BRINP1: variants seen among roughly 807,000 people sequenced by gnomAD.
BRINP1 encodes the protein BMP/retinoic acid inducible neural specific 1, also known as BMP/retinoic acid-inducible neural-specific protein 1.
A neutral mutation model predicts 72.9 loss-of-function variants in BRINP1; 17 were observed. That is an observed-to-expected ratio of 0.23 (90% CI 0.16 to 0.35). The LOEUF is 0.35. Ranked by LOEUF, BRINP1 falls within the 10% of genes least tolerant of loss-of-function variation. The probability of loss-of-function intolerance (pLI) is 1.00; values close to 1 mark genes in which losing one functional copy is unlikely to be tolerated. For synonymous variants in BRINP1, 418 were observed against 378.5 expected, an observed-to-expected ratio of 1.10 and a Z score of -1.21; for missense variants, 850 against 1,001.6, an observed-to-expected ratio of 0.85 and a Z score of 2.04.
At chr9:119,316,765 T>C (rs1187024852) in intron 1 of BRINP1, among the ~76,000 whole-genome samples, 2 of 152,166 alleles carry the variant, frequency 1.3e-5, no homozygotes, top group Admixed American at 6.5e-5. Context: ...GACAGAGATA[T>C]ACAAGGAGAT....
intron 4 of BRINP1, 75 bp from the exon 5 acceptor site, chr9:119,238,835 C>T: frequency 1.0e-6 from 1 of 985,314 alleles, no homozygotes; most frequent in Non-Finnish European, 1.5e-6. Context: ...AGTCATGCCC[C>T]AGCAGAGCAA....
intron 1 of BRINP1, among the ~76,000 whole-genome samples, chr9:119,335,596 T>C (rs1831338843): frequency 6.6e-6 from 1 of 152,190 alleles, no homozygotes; most frequent in African/African-American, 2.4e-5. Flanking sequence ...TGGACACCTA[T>C]CCAATATTAG....
chr9:119,220,367 A>G (rs1830027914), intron 5 of BRINP1, among the ~76,000 whole-genome samples: 1 of 152,294 alleles, frequency 6.6e-6, no homozygotes, highest in Middle Eastern at 3.4e-3. Context: ...TGGGGAAAGA[A>G]GAATATCTGG....
At chr9:119,303,935 AG>A (rs1280477226) in intron 2 of BRINP1, among the ~76,000 whole-genome samples, 1 of 148,490 alleles carries the variant, frequency 6.7e-6, no homozygotes, top group African/African-American at 2.5e-5. Flanking sequence ...GCTGGAGTGC[AG>A]TGGCATGATC....
chr9:119,329,860 C>T (rs1831281012), intron 1 of BRINP1, among the ~76,000 whole-genome samples: 1 of 152,140 alleles, frequency 6.6e-6, no homozygotes, highest in African/African-American at 2.4e-5. Flanking sequence ...GGTCTCAAAG[C>T]TACTGTGAGG....
chr9:119,330,377 C>A (rs1232063141), intron 1 of BRINP1, among the ~76,000 whole-genome samples: 1 of 152,176 alleles, frequency 6.6e-6, no homozygotes, highest in East Asian at 1.9e-4. Context: ...CTTACAGTTG[C>A]CTCAAGGTTT....
At chr9:119,206,930 A>G (rs1474864725) in intron 7 of BRINP1, among the ~76,000 whole-genome samples, 1 of 152,236 alleles carries the variant, frequency 6.6e-6, no homozygotes, top group Non-Finnish European at 1.5e-5. Flanking sequence ...TTGCAACAAG[A>G]AACTGGCAAA....
intron 1 of BRINP1, among the ~76,000 whole-genome samples, chr9:119,333,574 T>C (rs1831321566): frequency 6.6e-6 from 1 of 151,514 alleles, no homozygotes; most frequent in Non-Finnish European, 1.5e-5. Context: ...GGTCCAAAAA[T>C]CTGTAGTCTT....
At chr9:119,179,915 C>G (rs1829533607) in intron 7 of BRINP1, among the ~76,000 whole-genome samples, 1 of 152,210 alleles carries the variant, frequency 6.6e-6, no homozygotes, top group South Asian at 2.1e-4. Flanking sequence ...TGACAGGTCT[C>G]CTGGTGACAC....
Position 119,214,158 on chromosome 9 carries a change from G to A in BRINP1, c.686-3C>T. 1 of 1,601,964 alleles carries A rather than the reference G, an allele frequency of 6.2e-7. No individual in the cohort carries two copies. Among genetic ancestry groups the A allele is most frequent in the South Asian group, 1.1e-5 (1 of 90,670 alleles). On this transcript the variant is annotated splice_region_variant and splice_polypyrimidine_tract_variant and intron_variant, in intron 5 of 7. Transcript: ENST00000265922. ...CTGAGGAAAGATTATCTGAAGACCTGTGTGAGAATAGCAAGAAGGGAAAAC... is the reference window on the plus strand; with the variant it reads ...CTGAGGAAAGATTATCTGAAGACCTATGTGAGAATAGCAAGAAGGGAAAAC...
Position 119,166,899 on chromosome 9 carries a change from A to C in BRINP1, c.*185T>G, listed in dbSNP as rs1829319232. 1.6e-6 allele frequency: 1 copy of C among 640,214 alleles called. No homozygotes were observed. Among genetic ancestry groups the C allele is most frequent in the Non-Finnish European group, 2.6e-6 (1 of 382,206 alleles). 39.7% of individuals were successfully genotyped at this position (640,214 alleles called of 1,614,324 possible). A position where few individuals can be genotyped will look rare whatever the true frequency, so the allele number is the denominator to read the frequency against. On this transcript the variant is annotated 3_prime_UTR_variant, in exon 8 of 8. Coordinates refer to ENST00000265922, the MANE Select transcript of BRINP1 (RefSeq NM_014618.3). ...CAGAGTGAGTATAGAAATAACAAACATGCCCAACGCTTTTATACAGTTGCT... is the reference window on the plus strand; with the variant it reads ...CAGAGTGAGTATAGAAATAACAAACCTGCCCAACGCTTTTATACAGTTGCT...
intron 1 of BRINP1, among the ~76,000 whole-genome samples, chr9:119,366,465 TTCTCTCTCTG>T: frequency 6.6e-6 from 1 of 151,238 alleles, no homozygotes; most frequent in African/African-American, 2.4e-5. Context: ...GGAATCTATG[TTCTCTCTCTG>T]TCTCTCTCTC....
In BRINP1 at chr9:119,167,475, T is replaced by C. The variant is rs776588071; in HGVS notation, c.1895A>G (p.Glu632Gly). ...CAGGTCCACGGGGCCCTGGCCAGTC[T>C]CATTTCGCAGTAGGGTAGGTAGCCG... ...RTRLPTLLRN[E>G]TGQGPVDLSD... The change falls in exon 8 of 8, where the codon GAG (glutamate) becomes GGG (glycine). Residue 632 changes from glutamate to glycine, a missense_variant. Glu to Gly is a moderately conservative substitution (Grantham distance 98). Transcript: ENST00000265922. The surrounding 1 kb of genome is among the most constrained non-coding windows in gnomAD (Gnocchi z 4.3). 3 of 1,614,122 alleles carry C rather than the reference T, an allele frequency of 1.9e-6. No individual in the cohort carries two copies. Among genetic ancestry groups the C allele is most frequent in the Non-Finnish European group, 2.5e-6 (3 of 1,180,008 alleles).
At chr9:119,312,404 T>C (rs1018267941) in intron 2 of BRINP1, among the ~76,000 whole-genome samples, 5 of 152,048 alleles carry the variant, frequency 3.3e-5, no homozygotes, top group African/African-American at 1.2e-4. Flanking sequence ...GTGAGAAAAA[T>C]ATACAAGAAT....
intron 2 of BRINP1, among the ~76,000 whole-genome samples, chr9:119,292,632 T>C (rs925873898): frequency 6.6e-6 from 1 of 152,200 alleles, no homozygotes; most frequent in Non-Finnish European, 1.5e-5. Flanking sequence ...GCAGAGACTA[T>C]GAAAGTCCAA....
chr9:119,247,309 G>GTTGA (rs915047655), intron 3 of BRINP1, among the ~76,000 whole-genome samples: 1 of 151,972 alleles, frequency 6.6e-6, no homozygotes, highest in African/African-American at 2.4e-5. Flanking sequence ...ATGCTGGTTG[G>GTTGA]TTGGTTGGTG....
Position 119,213,975 on chromosome 9 carries a change from G to A in BRINP1, c.866C>T (p.Thr289Met), listed in dbSNP as rs148579078. The A allele has an allele frequency of 3.0e-5, 48 of 1,614,036 alleles. No homozygotes were observed. Among genetic ancestry groups the A allele is most frequent in the Middle Eastern group, 1.6e-4 (1 of 6,084 alleles). Residue 289 changes from threonine to methionine, a missense_variant, in exon 6 of 8, where the codon ACG (threonine) becomes ATG (methionine). Physicochemically the swap from Thr to Met is moderately conservative, Grantham distance 81 (BLOSUM62 -1). Transcript: ENST00000265922. ...CCAAGACTTGGCCATGTTGGCCAGC[G>A]TGTACTCCATGATCTGGATGTCCGT... ...PITDIQIMEYTLANMAKSWAE... is the reference protein window; with the variant it reads ...PITDIQIMEYMLANMAKSWAE...
At position 119,242,586 on chromosome 9, in the gene BRINP1, T is replaced by C. The variant is rs151116929; in HGVS notation, c.410-370A>G. Among the ~76,000 whole-genome samples the C allele has an allele frequency of 4.6e-5, 7 of 152,276 alleles. No homozygotes were observed. In the East Asian group the frequency reaches 1.4e-3, roughly 29 times the overall value. ...TTCTCTTCTCATTCTTTTCTCCTCC[T>C]CCTTTGTCTCCTCATTATCATGCAG... On this transcript the variant is annotated intron_variant, in intron 3 of 7. Transcript: ENST00000265922.
chr9:119,332,296 A>C (rs1831307285), intron 1 of BRINP1, among the ~76,000 whole-genome samples: 1 of 152,226 alleles, frequency 6.6e-6, no homozygotes, highest in Non-Finnish European at 1.5e-5. Flanking sequence ...ATGACAAAAA[A>C]AAATTGTAAA....
Sources: allele counts gnomAD v4.1 joint callset (sites outside exome capture counted in the v4.1 genomes callset), GRCh38; gene constraint gnomAD v4.1.1; non-coding constraint Gnocchi (gnomAD v3.1); transcripts MANE v1.5; gene names NCBI Gene and HGNC (gene_info 2026-07-23, HGNC 2026-07-21).